TMC2: variants seen among roughly 807,000 people sequenced by gnomAD.
TMC2 encodes transmembrane channel like 2.
Under a neutral mutation model 105.9 loss-of-function variants are expected in TMC2, and 102 were observed. The ratio of observed to expected loss-of-function variants is 0.96; its 90% CI spans 0.82 to 1.14. The LOEUF (loss-of-function observed/expected upper bound fraction) is 1.14, where lower values mean the gene tolerates loss of function less well. Among genes scored for constraint, TMC2 ranks in the 50% most tolerant of loss-of-function variants. The probability of loss-of-function intolerance (pLI) is 0.00; values close to 1 mark genes in which losing one functional copy is unlikely to be tolerated. For synonymous variants in TMC2, 402 were observed against 422.8 expected (o/e 0.95, Z 0.60); for missense variants, 1,093 against 1,134.3 (o/e 0.96, Z 0.52).
chr20:2,606,430 T>G (rs1039316136), intron 11 of TMC2, among the ~76,000 whole-genome samples: 9 of 152,172 alleles, frequency 5.9e-5, no homozygotes, highest in African/African-American at 2.2e-4. Flanking sequence ...TGGCTAATTT[T>G]TGTATTTTTA....
chr20:2,569,646 T>C (rs1462739603), intron 4 of TMC2, among the ~76,000 whole-genome samples: 1 of 152,322 alleles, frequency 6.6e-6, no homozygotes, highest in East Asian at 1.9e-4. Flanking sequence ...TTGCAACAAA[T>C]TACCACAGGT....
At chr20:2,629,629 T>G (rs2086589511) in intron 17 of TMC2, among the ~76,000 whole-genome samples, 1 of 151,188 alleles carries the variant, frequency 6.6e-6, no homozygotes, top group African/African-American at 2.4e-5. Flanking sequence ...AGGTGCCCAC[T>G]CCTTCAGACG....
In TMC2 at chr20:2,617,431, G is replaced by GAGGCCATTTAAGAGGCCTCT. The variant is rs1209073853; in HGVS notation, c.2180+120_2180+121insAGGCCATTTAAGAGGCCTCT. ...CCTGTAAAAGGCCATGGAACTTTGG[G>GAGGCCATTTAAGAGGCCTCT]TGAATCACCGATGCCATTTAAGAGG... On this transcript the variant is annotated intron_variant, in intron 16 of 19. Coordinates refer to ENST00000358864, the MANE Select transcript of TMC2 (RefSeq NM_080751.3). 1.9e-5 allele frequency: 25 copies of GAGGCCATTTAAGAGGCCTCT among 1,307,156 alleles called. No individual in the cohort carries two copies. In the East Asian group the frequency reaches 5.7e-4, roughly 30 times the overall value. The allele number at this position is 1,307,156 out of a possible 1,614,324, so 81.0% of individuals were successfully genotyped here.
chr20:2,599,323 T>G (rs867638914), intron 10 of TMC2, among the ~76,000 whole-genome samples: 1 of 130,710 alleles, frequency 7.7e-6, no homozygotes. Flanking sequence ...AAAGATGAAA[T>G]CAACCCTATG....
At chr20:2,588,012 T>C (rs987392429) in intron 7 of TMC2, among the ~76,000 whole-genome samples, 2 of 144,378 alleles carry the variant, frequency 1.4e-5, no homozygotes, top group African/African-American at 5.1e-5. Context: ...TCTTGTATAA[T>C]CCCCCCCCCC....
At chr20:2,604,699 C>T (rs2086376505) in intron 11 of TMC2, among the ~76,000 whole-genome samples, 1 of 152,070 alleles carries the variant, frequency 6.6e-6, no homozygotes, top group South Asian at 2.1e-4. Context: ...AGCCGTATCC[C>T]GTCACCTCCA....
intron 10 of TMC2, 125 bp downstream of exon 10, chr20:2,597,423 G>T (rs2086316822): frequency 1.3e-5 from 12 of 953,300 alleles, no homozygotes; most frequent in Non-Finnish European, 1.8e-5. Flanking sequence ...AGCCTTCCCA[G>T]AAATGTGAGC....
At chr20:2,577,889 T>C (rs2086158855) in intron 5 of TMC2, among the ~76,000 whole-genome samples, 3 of 150,640 alleles carry the variant, frequency 2.0e-5, no homozygotes. Context: ...AGTGAGACCA[T>C]GTCTGAAAAG....
intron 7 of TMC2, 46 bp downstream of exon 7, chr20:2,580,102 G>T: frequency 1.7e-6 from 2 of 1,196,416 alleles, no homozygotes; most frequent in South Asian, 2.6e-5. Flanking sequence ...TAAGGCTTAT[G>T]ACCACCGTCA....
chr20:2,582,224 C>T (rs955364584), intron 7 of TMC2, among the ~76,000 whole-genome samples: 1 of 152,000 alleles, frequency 6.6e-6, no homozygotes, highest in Non-Finnish European at 1.5e-5. Flanking sequence ...TCTCAAGATG[C>T]CTTCTTATTT....
chr20:2,550,722 T>C (rs943709292), intron 2 of TMC2, among the ~76,000 whole-genome samples: 1 of 152,238 alleles, frequency 6.6e-6, no homozygotes, highest in Admixed American at 6.5e-5. Context: ...GAATGCTGTA[T>C]AGTTACAATC....
At chr20:2,619,381 TTATG>T (rs1218722228) in intron 16 of TMC2, among the ~76,000 whole-genome samples, 9 of 152,106 alleles carry the variant, frequency 5.9e-5, no homozygotes, top group Non-Finnish European at 1.3e-4. Flanking sequence ...GGAGGAAACT[TTATG>T]TAGGAATAAG....
intron 10 of TMC2, among the ~76,000 whole-genome samples, chr20:2,598,399 T>C (rs1413533652): frequency 2.1e-5 from 3 of 145,846 alleles, no homozygotes; most frequent in African/African-American, 8.0e-5. Flanking sequence ...CTCTACTTTA[T>C]TTATTTATTT....
rs200350570 is a variant in TMC2 at position 2,602,112 on chromosome 20, G to A, written c.1225-1G>A. 1.1e-5 allele frequency: 18 copies of A among 1,604,298 alleles called. 1 individual carries two copies. The highest frequency in any genetic ancestry group is 1.5e-5 in the Non-Finnish European group (18 of 1,174,652). On this transcript the variant is annotated splice_acceptor_variant, in intron 10 of 19. Transcript: ENST00000358864. LOFTEE classifies it high-confidence loss of function. ...TGCACATCTCATTTTCACACATTAA[G>A]GAATCAATAGTGGATGAACAAGAGA...
At position 2,536,649 on chromosome 20, in the gene TMC2, G is replaced by C; in HGVS notation, c.28G>C (p.Glu10Gln). The C allele has an allele frequency of 1.3e-6, 2 of 1,575,068 alleles. No individual in the cohort carries two copies. Among genetic ancestry groups the C allele is most frequent in the South Asian group, 1.2e-5 (1 of 85,626 alleles). The part of the protein sequence containing the change: MSHQVKGLK[E>Q]EARGGVKGRV... ...GAGCCACCAGGTAAAGGGCCTGAAA[G>C]AGGAAGGTGAGTCCACGTCCTGATC... The change falls in exon 1 of 20, where the codon GAG becomes CAG. Residue 10 changes from glutamate (E) to glutamine (Q), a missense_variant. Glu to Gln is a conservative substitution (Grantham distance 29). Coordinates refer to ENST00000358864, the MANE Select transcript of TMC2 (RefSeq NM_080751.3).
chr20:2,589,740 G>T (rs1419531993), intron 7 of TMC2, among the ~76,000 whole-genome samples: 2 of 152,142 alleles, frequency 1.3e-5, no homozygotes, highest in African/African-American at 4.8e-5. Context: ...CTCAATCTCG[G>T]CTCACTGCAA....
intron 5 of TMC2, among the ~76,000 whole-genome samples, chr20:2,576,820 G>C (rs77467600): frequency 6.6e-6 from 1 of 151,848 alleles, no homozygotes; most frequent in East Asian, 1.9e-4. Flanking sequence ...AGTACTCAAG[G>C]CAAATGCTCT....
At chr20:2,636,510 T>G (rs1006711254) in intron 18 of TMC2, among the ~76,000 whole-genome samples, 1 of 131,712 alleles carries the variant, frequency 7.6e-6, no homozygotes, top group Non-Finnish European at 1.7e-5. Flanking sequence ...ACCCTAAAAT[T>G]CAGACCCTAA....
intron 9 of TMC2, among the ~76,000 whole-genome samples, 198 bp from the exon 10 acceptor site, chr20:2,596,953 C>T (rs925743023): frequency 6.6e-6 from 1 of 152,026 alleles, no homozygotes; most frequent in African/African-American, 2.4e-5. Flanking sequence ...TTTCAGGGGA[C>T]TCTGAATTTG....
Sources: gnomAD v4.1 joint callset for allele counts (sites outside exome capture counted in the v4.1 genomes callset) on GRCh38, gnomAD v4.1.1 for gene constraint, MANE v1.5 for transcripts, NCBI Gene and HGNC (gene_info 2026-07-23, HGNC 2026-07-21) for gene names.